The following ERC2 variants were observed in gnomAD, a reference collection of about 807,000 sequenced individuals.
ERC2 encodes ELKS/RAB6-interacting/CAST family member 2.
Under a neutral mutation model 114.8 loss-of-function variants are expected in ERC2, and 42 were observed. That is an observed-to-expected ratio of 0.37 (90% CI 0.29 to 0.47). ERC2 has a LOEUF of 0.47. Among genes scored for constraint, ERC2 ranks in the 20% least tolerant of loss-of-function variants. ERC2 has a pLI of 0.99. For synonymous variants in ERC2, 454 were observed against 425.5 expected, an observed-to-expected ratio of 1.07 and a Z score of -0.82; for missense variants, 939 against 1,150.7, an observed-to-expected ratio of 0.82 and a Z score of 2.66.
intron 7 of ERC2, among the ~76,000 whole-genome samples, chr3:56,074,797 C>G (rs1281893337): frequency 6.6e-6 from 1 of 152,148 alleles, no homozygotes; most frequent in Admixed American, 6.5e-5. Context: ...GTGCTGGGAA[C>G]AAGAGTGGGC....
rs1299617977 is a variant in ERC2, at chr3:56,288,009, T to A, written c.1074+8010A>T. Reference sequence around the variant, plus strand: ...TGTCCTCCCAGGGTTGCCAAAAGTATCTGAGGAAATAGTTAAAACGGAATG... The same window carrying A: ...TGTCCTCCCAGGGTTGCCAAAAGTAACTGAGGAAATAGTTAAAACGGAATG... On this transcript the variant is annotated intron_variant, in intron 3 of 17. Coordinates refer to ENST00000288221, the MANE Select transcript of ERC2 (RefSeq NM_015576.3). 4.6e-5 allele frequency among the ~76,000 whole-genome samples: 7 copies of A among 152,276 alleles called. No individual in the cohort carries two copies. In the East Asian group the frequency reaches 1.2e-3, roughly 25 times the overall value.
At chr3:56,256,550 ATTT>A (rs547404735) in intron 3 of ERC2, among the ~76,000 whole-genome samples, 1 of 146,706 alleles carries the variant, frequency 6.8e-6, no homozygotes, top group African/African-American at 2.5e-5. Context: ...ATTTCCAGGA[ATTT>A]TTTTTTTTTT....
chr3:56,142,842 T>C (rs1448528921), intron 5 of ERC2, among the ~76,000 whole-genome samples: 1 of 152,062 alleles, frequency 6.6e-6, no homozygotes, highest in South Asian at 2.1e-4. Flanking sequence ...ACTAGTTTTT[T>C]TTTTTTGGAA....
At chr3:56,259,094 C>G (rs954824666) in intron 3 of ERC2, among the ~76,000 whole-genome samples, 1 of 151,906 alleles carries the variant, frequency 6.6e-6, no homozygotes, top group Non-Finnish European at 1.5e-5. Flanking sequence ...CTGCCTCAGC[C>G]TCCTGAGTAA....
At chr3:56,062,045 G>C (rs1162908460) in intron 7 of ERC2, among the ~76,000 whole-genome samples, 1 of 151,958 alleles carries the variant, frequency 6.6e-6, no homozygotes, top group Non-Finnish European at 1.5e-5. Flanking sequence ...AATGTTAAAT[G>C]TTTATTTTGT....
chr3:55,702,750 A>C (rs1653803161), intron 15 of ERC2, among the ~76,000 whole-genome samples: 1 of 152,176 alleles, frequency 6.6e-6, no homozygotes, highest in African/African-American at 2.4e-5. Flanking sequence ...GATCCCATAC[A>C]TAATGGTCCA....
At chr3:56,232,020 G>C (rs1004851932) in intron 3 of ERC2, among the ~76,000 whole-genome samples, 1 of 151,608 alleles carries the variant, frequency 6.6e-6, no homozygotes, top group African/African-American at 2.4e-5. Flanking sequence ...GCCCAGGCTG[G>C]AGTGCAGTGG....
chr3:56,080,743 A>G, intron 7 of ERC2, 74 bp downstream of exon 7: 1 of 1,465,030 alleles, frequency 6.8e-7, no homozygotes. Flanking sequence ...CTTATTTTCC[A>G]TGTGCTCAAA....
At chr3:56,079,151 A>G (rs994597592) in intron 7 of ERC2, among the ~76,000 whole-genome samples, 4 of 152,184 alleles carry the variant, frequency 2.6e-5, no homozygotes, top group Non-Finnish European at 5.9e-5. Flanking sequence ...TTACATTAAA[A>G]AAAGTAAAAA....
intron 12 of ERC2, among the ~76,000 whole-genome samples, chr3:55,969,398 C>T (rs778929809): frequency 1.0e-4 from 6 of 58,240 alleles, no homozygotes; most frequent in South Asian, 8.4e-4. Context: ...CACATACACA[C>T]ACACACACAC....
chr3:55,840,093 A>G (rs1235800006), intron 14 of ERC2, among the ~76,000 whole-genome samples: 3 of 152,000 alleles, frequency 2.0e-5, no homozygotes, highest in Admixed American at 2.0e-4. Context: ...AGGGATAGGG[A>G]GGATCATTTT....
At chr3:56,139,853 G>A (rs1380444707) in intron 5 of ERC2, among the ~76,000 whole-genome samples, 177 bp from the exon 6 acceptor site, 1 of 152,114 alleles carries the variant, frequency 6.6e-6, no homozygotes, top group African/African-American at 2.4e-5. Context: ...GGGTTCTGGA[G>A]GAAAATCTGT....
At chr3:55,738,214 G>A (rs1305881936) in intron 14 of ERC2, among the ~76,000 whole-genome samples, 1 of 151,872 alleles carries the variant, frequency 6.6e-6, no homozygotes, top group Admixed American at 6.6e-5. Flanking sequence ...CATAGTTTTC[G>A]ACATACAAAT....
chr3:55,540,959 T>C (rs1342060068), intron 17 of ERC2, among the ~76,000 whole-genome samples: 1 of 152,032 alleles, frequency 6.6e-6, no homozygotes. Context: ...TCCCACTCCC[T>C]ATGAAGAAAG....
chr3:55,662,153 A>G (rs1207197614), intron 17 of ERC2, among the ~76,000 whole-genome samples: 2 of 152,392 alleles, frequency 1.3e-5, no homozygotes, highest in South Asian at 2.1e-4. Flanking sequence ...GTATTTGCCA[A>G]TTGGCAACCA....
chr3:56,460,433 G>T (rs766313096), intron 1 of ERC2, among the ~76,000 whole-genome samples: 3 of 152,166 alleles, frequency 2.0e-5, no homozygotes, highest in Non-Finnish European at 2.9e-5. Context: ...AGGCACTAGG[G>T]ATACAGCCAA....
At chr3:56,132,914 TC>T (rs1184012872) in intron 6 of ERC2, among the ~76,000 whole-genome samples, 6 of 151,706 alleles carry the variant, frequency 4.0e-5, no homozygotes, top group Non-Finnish European at 7.4e-5. Context: ...ATTCTAAACT[TC>T]CTGAAAACAA....
At chr3:56,172,117 C>A (rs2150021356) in intron 4 of ERC2, among the ~76,000 whole-genome samples, 1 of 151,630 alleles carries the variant, frequency 6.6e-6, no homozygotes, top group Non-Finnish European at 1.5e-5. Flanking sequence ...GAACCACTGG[C>A]CTACCATTCC....
At chr3:55,559,406 G>A (rs2055850795) in intron 17 of ERC2, among the ~76,000 whole-genome samples, 1 of 152,256 alleles carries the variant, frequency 6.6e-6, no homozygotes, top group Non-Finnish European at 1.5e-5. Flanking sequence ...CCAGGTGCCT[G>A]TAAAATCCAG....
Sources: allele counts gnomAD v4.1 joint callset (sites outside exome capture counted in the v4.1 genomes callset), GRCh38; gene constraint gnomAD v4.1.1; transcripts MANE v1.5; gene names NCBI Gene and HGNC (gene_info 2026-07-23, HGNC 2026-07-21).